The following RP1 variants were observed in gnomAD, a reference collection of about 807,000 sequenced individuals.
RP1 encodes oxygen-regulated protein 1.
Under a neutral mutation model 14.8 loss-of-function variants are expected in RP1, and 16 were observed. The ratio of observed to expected loss-of-function variants is 1.08; its 90% CI spans 0.73 to 1.65. The LOEUF is 1.65. Ranked by LOEUF, RP1 falls within the 40% of genes most tolerant of loss-of-function variation. RP1 has a pLI of 0.00. For synonymous variants in RP1, 876 were observed against 883.6 expected (o/e 0.99, Z 0.15); for missense variants, 2,631 against 2,535.0 (o/e 1.04, Z -0.81).
At chr8:54,673,991 T>A in intron 8 of RP1, 1 of 1,284,150 alleles carries the variant, frequency 7.8e-7, no homozygotes, top group Non-Finnish European at 1.1e-6. Flanking sequence ...TGAAACTCTG[T>A]TCAAATCTAG....
chr8:54,681,396 C>T (rs1201583618), intron 12 of RP1, among the ~76,000 whole-genome samples: 3 of 151,692 alleles, frequency 2.0e-5, no homozygotes, highest in Non-Finnish European at 2.9e-5. Context: ...CCAATGGTAC[C>T]AGCACACGTA....
At chr8:54,722,419 C>T (rs547011418) in intron 16 of RP1, among the ~76,000 whole-genome samples, 33 of 151,896 alleles carry the variant, frequency 2.2e-4, no homozygotes, top group African/African-American at 8.0e-4. Context: ...TACAGGCGCC[C>T]GCCACCGCGC....
chr8:54,757,388 A>G (rs1233914417), intron 21 of RP1, among the ~76,000 whole-genome samples: 1 of 152,238 alleles, frequency 6.6e-6, no homozygotes, highest in Non-Finnish European at 1.5e-5. Flanking sequence ...CCAGACCTCA[A>G]AGTGTTGTAG....
intron 1 of RP1, among the ~76,000 whole-genome samples, chr8:54,588,294 T>C (rs1804976687): frequency 6.6e-6 from 1 of 152,100 alleles, no homozygotes; most frequent in Admixed American, 6.5e-5. Context: ...ATAAAATATA[T>C]GGAAGGGAGT....
intron 24 of RP1, among the ~76,000 whole-genome samples, chr8:54,805,877 C>T (rs1345862587): frequency 6.6e-6 from 1 of 152,056 alleles, no homozygotes; most frequent in African/African-American, 2.4e-5. Context: ...TCCCAGCAGC[C>T]TTCAGGATAT....
intron 26 of RP1, chr8:54,852,741 G>C (rs1404411442): frequency 8.1e-7 from 1 of 1,231,516 alleles, no homozygotes; most frequent in Non-Finnish European, 1.0e-6. Context: ...AATAGAAACA[G>C]GTCTTCATCA....
chr8:54,801,813 C>T (rs1270258655), intron 24 of RP1, among the ~76,000 whole-genome samples: 1 of 152,174 alleles, frequency 6.6e-6, no homozygotes, highest in Admixed American at 6.5e-5. Flanking sequence ...TGCTTAGGTC[C>T]TGTTTCTCTC....
Position 54,621,226 on chromosome 8 carries a change from G to A in RP1, c.260G>A (p.Arg87Gln), listed in dbSNP as rs1472645318. The A allele has an allele frequency of 3.1e-6, 5 of 1,613,996 alleles. No individual in the cohort carries two copies. The highest frequency in any genetic ancestry group is 4.2e-6 in the Non-Finnish European group (5 of 1,180,024). The change falls in exon 2 of 4, where the codon CGG becomes CAG. Residue 87 changes from arginine (R) to glutamine (Q), a missense_variant. Transcript: ENST00000220676. ...PFGVRNISTP[R>Q]GRHSITRLEE... ...GGAGTGAGGAACATCAGCACCCCTC[G>A]GGGCAGGCACAGCATCACGCGCCTG...
intron 19 of RP1, among the ~76,000 whole-genome samples, chr8:54,743,276 CA>C (rs1218727691): frequency 6.6e-6 from 1 of 152,098 alleles, no homozygotes; most frequent in African/African-American, 2.4e-5. Context: ...AATCGTTTGA[CA>C]AATATTTACT....
intron 1 of RP1, among the ~76,000 whole-genome samples, chr8:54,608,666 C>T (rs955669801): frequency 2.0e-5 from 3 of 152,144 alleles, no homozygotes; most frequent in Admixed American, 1.3e-4. Flanking sequence ...ACATGCTGCA[C>T]ATGTACCTCT....
chr8:54,736,134 C>T (rs1808914402), intron 18 of RP1, among the ~76,000 whole-genome samples: 1 of 152,176 alleles, frequency 6.6e-6, no homozygotes, highest in Non-Finnish European at 1.5e-5. Context: ...ATCGGATGAG[C>T]TAGATTGGAG....
At chr8:54,571,401 A>T (rs1383514705) in intron 1 of RP1, among the ~76,000 whole-genome samples, 2 of 152,140 alleles carry the variant, frequency 1.3e-5, no homozygotes, top group Non-Finnish European at 2.9e-5. Context: ...GGTGCCTAAC[A>T]TATCATAGGT....
chr8:54,683,485 G>T (rs750287719), intron 12 of RP1, among the ~76,000 whole-genome samples: 6 of 152,130 alleles, frequency 3.9e-5, no homozygotes, highest in Non-Finnish European at 8.8e-5. Flanking sequence ...TCCTTGAGCA[G>T]CAGTTTGCAG....
At chr8:54,740,909 G>T (rs1034852733) in intron 19 of RP1, among the ~76,000 whole-genome samples, 2 of 150,592 alleles carry the variant, frequency 1.3e-5, no homozygotes, top group South Asian at 4.2e-4. Context: ...GGTGGCAGGC[G>T]CCTGTAGTCC....
chr8:54,678,557 A>T, intron 9 of RP1: 1 of 1,523,376 alleles, frequency 6.6e-7, no homozygotes, highest in Non-Finnish European at 8.8e-7. Context: ...GTACTTTTAC[A>T]TCGAAAAAAT....
chr8:54,611,971 G>A (rs1805609323), upstream of RP1, among the ~76,000 whole-genome samples: 1 of 149,380 alleles, frequency 6.7e-6, no homozygotes, highest in African/African-American at 2.5e-5. Flanking sequence ...CTTTGCCAAG[G>A]ATCAGCCTGC....
intron 17 of RP1, among the ~76,000 whole-genome samples, chr8:54,732,845 A>C (rs1346571982): frequency 6.6e-6 from 1 of 152,164 alleles, no homozygotes; most frequent in Non-Finnish European, 1.5e-5. Context: ...TGGGTCAGCT[A>C]CTTCTGATGT....
At chr8:54,791,256 C>A (rs1474092080) in intron 24 of RP1, among the ~76,000 whole-genome samples, 1 of 152,026 alleles carries the variant, frequency 6.6e-6, no homozygotes, top group East Asian at 1.9e-4. Context: ...CAAACTTGTC[C>A]TTCAGAAATG....
At chr8:54,600,434 G>A (rs529606392) in intron 1 of RP1, among the ~76,000 whole-genome samples, 1 of 152,202 alleles carries the variant, frequency 6.6e-6, no homozygotes, top group African/African-American at 2.4e-5. Flanking sequence ...TTACCCTGCA[G>A]AGTGGCGGGG....
Sources: allele counts gnomAD v4.1 joint callset (sites outside exome capture counted in the v4.1 genomes callset), GRCh38; gene constraint gnomAD v4.1.1; transcripts MANE v1.5; gene names NCBI Gene and HGNC (gene_info 2026-07-23, HGNC 2026-07-21).